The following BMPR1B variants were observed in gnomAD, a reference collection of about 807,000 sequenced individuals.
BMPR1B encodes the protein bone morphogenetic protein receptor type 1B.
Under a neutral mutation model 59.1 loss-of-function variants are expected in BMPR1B, and 12 were observed. The observed-to-expected ratio is 0.20, with a 90% CI of 0.13 to 0.33. BMPR1B has a LOEUF of 0.33. Ranked by LOEUF, BMPR1B falls within the 10% of genes least tolerant of loss-of-function variation. The pLI is 1.00. For missense variants in BMPR1B, 550 were observed against 610.9 expected, an observed-to-expected ratio of 0.90 and a Z score of 1.05; for synonymous variants, 237 against 207.3, an observed-to-expected ratio of 1.14 and a Z score of -1.23.
intron 3 of BMPR1B, chr4:95,091,501 T>G: frequency 1.0e-6 from 1 of 985,330 alleles, no homozygotes; most frequent in Non-Finnish European, 1.2e-6. Flanking sequence ...ATATCACAGG[T>G]GCAGGATTAG....
intron 3 of BMPR1B, among the ~76,000 whole-genome samples, chr4:95,059,507 G>A (rs1045268050): frequency 4.0e-5 from 6 of 151,872 alleles, no homozygotes; most frequent in African/African-American, 1.5e-4. Flanking sequence ...TTCAATGGGG[G>A]AATTTCTGGG....
At chr4:94,912,033 A>G (rs868347968) in intron 2 of BMPR1B, among the ~76,000 whole-genome samples, 1 of 152,166 alleles carries the variant, frequency 6.6e-6, no homozygotes, top group Non-Finnish European at 1.5e-5. Context: ...TCATGGTGGA[A>G]GGCAATGAAG....
chr4:95,039,720 C>G (rs1417436278), intron 3 of BMPR1B, among the ~76,000 whole-genome samples: 1 of 152,096 alleles, frequency 6.6e-6, no homozygotes, highest in Non-Finnish European at 1.5e-5. Context: ...CCATGAGGCT[C>G]AACACAAATT....
In BMPR1B at chr4:95,154,893, C is replaced by T. The variant is rs939258554; in HGVS notation, c.*220C>T. 1.7e-6 allele frequency: 1 copy of T among 571,600 alleles called. No homozygotes were observed. The highest frequency in any genetic ancestry group is 3.0e-6 in the Non-Finnish European group (1 of 328,240). The allele number at this position is 571,600 out of a possible 1,614,324, so 35.4% of individuals were successfully genotyped here. On this transcript the variant is annotated 3_prime_UTR_variant, in exon 13 of 13. Coordinates refer to ENST00000515059, the MANE Select transcript of BMPR1B (RefSeq NM_001203.3). ...CATGTCTGTTTGTAGGACGGAGAAA[C>T]CGCTTGGGTAACTTGTTCAAGATAT...
intron 2 of BMPR1B, among the ~76,000 whole-genome samples, chr4:94,988,632 G>T (rs1232733327): frequency 6.6e-6 from 1 of 152,110 alleles, no homozygotes; most frequent in Non-Finnish European, 1.5e-5. Context: ...AAGAACAAAT[G>T]ACCTATTTAT....
intron 10 of BMPR1B, among the ~76,000 whole-genome samples, chr4:95,139,697 G>A (rs1200535876): frequency 6.6e-6 from 1 of 151,614 alleles, no homozygotes; most frequent in Non-Finnish European, 1.5e-5. Context: ...CTCCATGGGC[G>A]TGGGACCCTC....
At chr4:95,090,541 A>C (rs969986309) in intron 3 of BMPR1B, among the ~76,000 whole-genome samples, 13 of 152,050 alleles carry the variant, frequency 8.5e-5, no homozygotes, top group African/African-American at 3.1e-4. Flanking sequence ...CAATCAGCAG[A>C]CCTTTTATGA....
intron 3 of BMPR1B, among the ~76,000 whole-genome samples, chr4:95,082,115 TA>T (rs1202254530): frequency 6.8e-6 from 1 of 146,078 alleles, no homozygotes; most frequent in Non-Finnish European, 1.5e-5. Context: ...GTATATCTCC[TA>T]ATGCTATCCC....
chr4:94,874,862 A>AGAC (rs1726654419), intron 1 of BMPR1B, among the ~76,000 whole-genome samples: 1 of 152,088 alleles, frequency 6.6e-6, no homozygotes, highest in Non-Finnish European at 1.5e-5. Flanking sequence ...GCGTGGTGGC[A>AGAC]GACGCCTGTA....
intron 3 of BMPR1B, among the ~76,000 whole-genome samples, chr4:95,034,641 T>TTTTA (rs1725101982): frequency 6.7e-6 from 1 of 149,556 alleles, no homozygotes; most frequent in African/African-American, 2.5e-5. Flanking sequence ...TATTCCATGT[T>TTTTA]TATATATATA....
intron 12 of BMPR1B, among the ~76,000 whole-genome samples, chr4:95,153,394 G>T (rs551514866): frequency 6.6e-6 from 1 of 151,844 alleles, no homozygotes; most frequent in Non-Finnish European, 1.5e-5. Context: ...TTCCACCCTC[G>T]CAGCCTTCAA....
chr4:95,077,758 A>G (rs1370020136), intron 3 of BMPR1B, among the ~76,000 whole-genome samples: 2 of 152,212 alleles, frequency 1.3e-5, no homozygotes, highest in Non-Finnish European at 2.9e-5. Flanking sequence ...TTAACACTCC[A>G]TGAAGATGTT....
At chr4:94,855,409 T>G (rs1383671838) in intron 1 of BMPR1B, among the ~76,000 whole-genome samples, 1 of 152,240 alleles carries the variant, frequency 6.6e-6, no homozygotes, top group Non-Finnish European at 1.5e-5. Flanking sequence ...TCTCGGACTC[T>G]ACAGCATTTG....
intron 2 of BMPR1B, among the ~76,000 whole-genome samples, chr4:94,909,655 C>T (rs553204557): frequency 1.3e-5 from 2 of 152,134 alleles, no homozygotes; most frequent in South Asian, 4.1e-4. Context: ...CCTCCTCCTC[C>T]CTCTTCCTGA....
At chr4:94,992,288 C>T (rs1260700908) in intron 2 of BMPR1B, among the ~76,000 whole-genome samples, 1 of 152,200 alleles carries the variant, frequency 6.6e-6, no homozygotes, top group Non-Finnish European at 1.5e-5. Flanking sequence ...TCAAGCAGTT[C>T]CTTGAGAGAA....
chr4:95,120,193 G>C (rs1253354351), intron 6 of BMPR1B, among the ~76,000 whole-genome samples: 1 of 152,168 alleles, frequency 6.6e-6, no homozygotes, highest in Admixed American at 6.5e-5. Context: ...TTCAAAGGAT[G>C]TTATTTTATT....
intron 1 of BMPR1B, among the ~76,000 whole-genome samples, chr4:94,780,394 T>C (rs1327442726): frequency 6.6e-6 from 1 of 152,202 alleles, no homozygotes; most frequent in Admixed American, 6.6e-5. Flanking sequence ...ATTGCATAGA[T>C]AGACTATATA....
chr4:94,804,380 T>C (rs1318204373), intron 1 of BMPR1B, among the ~76,000 whole-genome samples: 1 of 152,124 alleles, frequency 6.6e-6, no homozygotes, highest in Non-Finnish European at 1.5e-5. Context: ...TGAGAAATTG[T>C]GCGGTAGGAA....
intron 2 of BMPR1B, among the ~76,000 whole-genome samples, chr4:94,946,842 G>C (rs1331056112): frequency 2.0e-5 from 3 of 152,118 alleles, no homozygotes; most frequent in African/African-American, 7.2e-5. Context: ...CCTGAGCTCA[G>C]GAGTTTGAGA....
Sources: allele counts gnomAD v4.1 joint callset (sites outside exome capture counted in the v4.1 genomes callset), GRCh38; gene constraint gnomAD v4.1.1; transcripts MANE v1.5; gene names NCBI Gene and HGNC (gene_info 2026-07-23, HGNC 2026-07-21).